The following ASTN2 variants were observed in gnomAD, a reference collection of about 807,000 sequenced individuals.
ASTN2 encodes astrotactin-2.
In ASTN2, 54 loss-of-function variants were observed where a neutral mutation model predicts 139.8. The ratio of observed to expected loss-of-function variants is 0.39; its 90% CI spans 0.31 to 0.48. The LOEUF (loss-of-function observed/expected upper bound fraction) is 0.48, where lower values mean the gene tolerates loss of function less well. Ranked by LOEUF, ASTN2 falls within the 20% of genes least tolerant of loss-of-function variation. The probability of loss-of-function intolerance (pLI) is 0.95; values close to 1 mark genes in which losing one functional copy is unlikely to be tolerated. For missense variants in ASTN2, 1,565 were observed against 1,725.1 expected, an observed-to-expected ratio of 0.91 and a Z score of 1.64; for synonymous variants, 756 against 719.5, an observed-to-expected ratio of 1.05 and a Z score of -0.81.
intron 4 of ASTN2, among the ~76,000 whole-genome samples, chr9:117,117,437 T>C (rs941554762): frequency 4.0e-5 from 6 of 149,618 alleles, no homozygotes; most frequent in South Asian, 4.2e-4. Context: ...CCCAAAGTTG[T>C]GTCAACAGGC....
At chr9:116,900,440 G>A (rs1833979700) in intron 10 of ASTN2, among the ~76,000 whole-genome samples, 1 of 152,138 alleles carries the variant, frequency 6.6e-6, no homozygotes. Flanking sequence ...GCTGCCTGGA[G>A]TCTATGGTTT....
At chr9:116,798,639 G>C (rs945835714) in intron 13 of ASTN2, among the ~76,000 whole-genome samples, 7 of 152,208 alleles carry the variant, frequency 4.6e-5, no homozygotes, top group Non-Finnish European at 1.0e-4. Flanking sequence ...TCATAAGATA[G>C]CATGTCTCTG....
intron 7 of ASTN2, among the ~76,000 whole-genome samples, chr9:116,984,542 C>G (rs1035761879): frequency 2.6e-5 from 4 of 152,152 alleles, no homozygotes; most frequent in Non-Finnish European, 4.4e-5. Flanking sequence ...GCAGGTCTGC[C>G]TTGGTTCTAC....
intron 10 of ASTN2, among the ~76,000 whole-genome samples, chr9:116,939,432 T>C (rs1835167300): frequency 6.6e-6 from 1 of 152,160 alleles, no homozygotes; most frequent in Non-Finnish European, 1.5e-5. Flanking sequence ...ATTCCAACTC[T>C]TCTGACCCTC....
chr9:117,167,702 G>A (rs1336330732), intron 3 of ASTN2, among the ~76,000 whole-genome samples: 3 of 152,100 alleles, frequency 2.0e-5, no homozygotes, highest in South Asian at 4.1e-4. Flanking sequence ...CTCTGAACAA[G>A]GAAGACATTG....
chr9:116,588,931 T>C (rs1034889445), intron 19 of ASTN2, among the ~76,000 whole-genome samples: 3 of 152,198 alleles, frequency 2.0e-5, no homozygotes, highest in African/African-American at 7.2e-5. Context: ...ATCCAAAAAA[T>C]TTCTCTTTTT....
intron 3 of ASTN2, among the ~76,000 whole-genome samples, chr9:117,179,695 G>A (rs970673429): frequency 5.3e-5 from 8 of 152,102 alleles, no homozygotes; most frequent in African/African-American, 1.7e-4. Context: ...TCTCTCCTAT[G>A]CTTGCTGTAC....
At chr9:117,085,872 T>TA (rs1828547578) in intron 5 of ASTN2, among the ~76,000 whole-genome samples, 1 of 152,220 alleles carries the variant, frequency 6.6e-6, no homozygotes, top group African/African-American at 2.4e-5. Flanking sequence ...TCATTCATCC[T>TA]TATAATGGCC....
chr9:116,471,621 A>G (rs1848817449), intron 20 of ASTN2, among the ~76,000 whole-genome samples: 1 of 152,040 alleles, frequency 6.6e-6, no homozygotes, highest in Non-Finnish European at 1.5e-5. Context: ...GGGAGGGGGG[A>G]ATTCATATGA....
chr9:116,651,858 T>A, intron 16 of ASTN2, 65 bp from the exon 17 acceptor site: 1 of 1,555,640 alleles, frequency 6.4e-7, no homozygotes, highest in East Asian at 2.3e-5. Flanking sequence ...GCCAGACTCT[T>A]GAATTCACAA....
rs981260681 is a variant in ASTN2, at chr9:116,956,327, G to A, written c.1889+18881C>T. Among the ~76,000 whole-genome samples, 6 of 149,454 alleles carry A rather than the reference G, an allele frequency of 4.0e-5. No homozygotes were observed. The South Asian group carries it at 8.4e-4, about 21-fold the overall frequency. On this transcript the variant is annotated intron_variant, in intron 10 of 22. Coordinates refer to ENST00000313400, the MANE Select transcript of ASTN2 (RefSeq NM_001365068.1). ...TTAGTCATGCTGGTCTCTAACTCCCGACCTCAGGTGATCCACCTGCCTCGG... is the reference window on the plus strand; with the variant it reads ...TTAGTCATGCTGGTCTCTAACTCCCAACCTCAGGTGATCCACCTGCCTCGG...
chr9:116,463,192 G>A (rs760903166), intron 20 of ASTN2, among the ~76,000 whole-genome samples: 77 of 151,836 alleles, frequency 5.1e-4, no homozygotes, highest in Admixed American at 4.6e-4. Flanking sequence ...TTTCTCACCC[G>A]GCCAATTAGA....
chr9:116,446,255 G>GGGGA (rs1847986134), intron 20 of ASTN2, among the ~76,000 whole-genome samples: 1 of 113,934 alleles, frequency 8.8e-6, no homozygotes, highest in African/African-American at 3.5e-5. Context: ...GAGGGGAGAG[G>GGGGA]GAGAGAGAGA....
intron 1 of ASTN2, among the ~76,000 whole-genome samples, chr9:117,293,481 C>T (rs1834647709): frequency 6.6e-6 from 1 of 152,254 alleles, no homozygotes; most frequent in Non-Finnish European, 1.5e-5. Flanking sequence ...CTTGGGCTTC[C>T]CTTGCAGCTG....
chr9:116,483,748 G>T (rs971444137), intron 20 of ASTN2, among the ~76,000 whole-genome samples: 1 of 152,162 alleles, frequency 6.6e-6, no homozygotes, highest in Non-Finnish European at 1.5e-5. Flanking sequence ...CTCAGGAGGA[G>T]AGAGGGGATG....
intron 3 of ASTN2, among the ~76,000 whole-genome samples, chr9:117,189,760 T>C (rs4838271): frequency 0.36 from 54,932 of 151,974 alleles, 9,971 homozygotes; most frequent in East Asian, 0.43. Flanking sequence ...TCAAAGTTCT[T>C]AAAGGTCTCT....
At chr9:117,087,834 T>C (rs1316843245) in intron 5 of ASTN2, among the ~76,000 whole-genome samples, 2 of 152,212 alleles carry the variant, frequency 1.3e-5, no homozygotes, top group Non-Finnish European at 2.9e-5. Flanking sequence ...AGCAAAGATC[T>C]GAACCCATGT....
At chr9:116,775,524 A>AGG in intron 13 of ASTN2, among the ~76,000 whole-genome samples, 1 of 110,566 alleles carries the variant, frequency 9.0e-6, no homozygotes, top group Admixed American at 9.0e-5. Flanking sequence ...GAAGGAAGGA[A>AGG]AAGAAAGGGG....
chr9:116,785,285 T>C (rs933707789), intron 13 of ASTN2, among the ~76,000 whole-genome samples: 2 of 152,150 alleles, frequency 1.3e-5, no homozygotes, highest in African/African-American at 4.8e-5. Context: ...CTCTTCTCTA[T>C]CTACTCCCTA....
Sources: gnomAD v4.1 joint callset for allele counts (sites outside exome capture counted in the v4.1 genomes callset) on GRCh38, gnomAD v4.1.1 for gene constraint, MANE v1.5 for transcripts, NCBI Gene and HGNC (gene_info 2026-07-23, HGNC 2026-07-21) for gene names.